Variants in PCSK6 observed in about 807,000 individuals in gnomAD.
PCSK6 encodes proprotein convertase subtilisin/kexin type 6.
In PCSK6, 85 loss-of-function variants were observed where a neutral mutation model predicts 123.3. That is an observed-to-expected ratio of 0.69 (90% CI 0.58 to 0.83). PCSK6 has a LOEUF of 0.83. Among genes scored for constraint, PCSK6 ranks in the 40% least tolerant of loss-of-function variants. The probability of loss-of-function intolerance (pLI) is 0.00; values close to 1 mark genes in which losing one functional copy is unlikely to be tolerated. For missense variants in PCSK6, 1,191 were observed against 1,282.3 expected (o/e 0.93, Z 1.09); for synonymous variants, 508 against 516.0 (o/e 0.98, Z 0.21).
chr15:101,447,853 G>T (rs1387518545), intron 1 of PCSK6, among the ~76,000 whole-genome samples: 1 of 152,182 alleles, frequency 6.6e-6, no homozygotes, highest in East Asian at 1.9e-4. Flanking sequence ...TGAGCAGCCC[G>T]CCTTTAGAAT....
rs150376425 is a variant in PCSK6, at chr15:101,322,191, C to T, written c.2465+329G>A. On this transcript the variant is annotated intron_variant, in intron 18 of 21. Coordinates refer to ENST00000611716, the MANE Select transcript of PCSK6 (RefSeq NM_002570.5). ...TGGGTGAGCCGCTACAGCCCATCCC[C>T]GGCCCAGACAGCGAGGGGAACTGGA... 2.8e-3 allele frequency among the ~76,000 whole-genome samples: 427 copies of T among 152,304 alleles called. 6 individuals are homozygous for T. Among genetic ancestry groups the T allele is most frequent in the African/African-American group, 9.8e-3 (408 of 41,586 alleles).
At chr15:101,325,205 C>T (rs2040223575) in intron 16 of PCSK6, among the ~76,000 whole-genome samples, 159 bp from the exon 17 acceptor site, 1 of 152,186 alleles carries the variant, frequency 6.6e-6, no homozygotes, top group African/African-American at 2.4e-5. Flanking sequence ...CCTACGTACA[C>T]AGGTGGAGAG....
chr15:101,385,861 C>T (rs538666946), intron 9 of PCSK6, among the ~76,000 whole-genome samples: 75 of 152,288 alleles, frequency 4.9e-4, no homozygotes, highest in Non-Finnish European at 9.8e-4. Context: ...TGGTTCCGGC[C>T]GCCATTTGAC....
At chr15:101,329,360 T>G (rs1567145746) in intron 15 of PCSK6, among the ~76,000 whole-genome samples, 1 of 152,222 alleles carries the variant, frequency 6.6e-6, no homozygotes, top group Non-Finnish European at 1.5e-5. Context: ...GTTCACGCCA[T>G]CCAAGAACAG....
At chr15:101,420,828 CAATG>C (rs2056060707) in intron 6 of PCSK6, among the ~76,000 whole-genome samples, 2 of 152,236 alleles carry the variant, frequency 1.3e-5, no homozygotes, top group Non-Finnish European at 2.9e-5. Flanking sequence ...TCTCTGGAAA[CAATG>C]AAGATGGCAC....
chr15:101,315,246 C>A (rs35559271), intron 19 of PCSK6, among the ~76,000 whole-genome samples: 27,114 of 152,070 alleles, frequency 0.18, 2,533 homozygotes, highest in African/African-American at 0.23. Context: ...GAACTGTATG[C>A]CTAAAAATAG....
intron 2 of PCSK6, among the ~76,000 whole-genome samples, chr15:101,440,536 G>T (rs1056842993): frequency 6.6e-6 from 1 of 152,202 alleles, no homozygotes; most frequent in African/African-American, 2.4e-5. Context: ...ATACAATAGG[G>T]ACTGGAACTA....
chr15:101,471,150 C>T (rs1317343484), intron 1 of PCSK6, among the ~76,000 whole-genome samples: 1 of 152,142 alleles, frequency 6.6e-6, no homozygotes, highest in African/African-American at 2.4e-5. Context: ...GCTCAGAGAG[C>T]CACAGTAATC....
At position 101,415,555 on chromosome 15, in the gene PCSK6, G is replaced by T. The variant is rs2055858876; in HGVS notation, c.823+12337C>A. ...GCCAAAGGCAGCTTATGGGCTACCA[G>T]TTGCAATCCCTAATCTGATACAGAT... On this transcript the variant is annotated intron_variant, in intron 6 of 21. Transcript: ENST00000611716. 2.6e-5 allele frequency among the ~76,000 whole-genome samples: 4 copies of T among 152,362 alleles called. No homozygotes were observed. The South Asian group carries it at 6.2e-4, about 24-fold the overall frequency.
At chr15:101,406,894 A>G (rs2042797799) in intron 6 of PCSK6, among the ~76,000 whole-genome samples, 1 of 152,140 alleles carries the variant, frequency 6.6e-6, no homozygotes, top group Admixed American at 6.5e-5. Flanking sequence ...GACGCTCCTT[A>G]TGGGCATGTC....
In PCSK6 at chr15:101,478,618, A is replaced by G. The variant is rs189003607; in HGVS notation, c.297+10756T>C. ...AGATGCTCGTTCTGAGCTTCAGAGA[A>G]CACCAGGCTAGGATGCTAGGTGTGT... On this transcript the variant is annotated intron_variant, in intron 1 of 21. Coordinates refer to ENST00000611716, the MANE Select transcript of PCSK6 (RefSeq NM_002570.5). Among the ~76,000 whole-genome samples, 349 of 152,158 alleles carry G rather than the reference A, an allele frequency of 2.3e-3. 1 individual carries two copies. Among genetic ancestry groups the G allele is most frequent in the African/African-American group, 8.2e-3 (341 of 41,502 alleles).
At chr15:101,306,055 G>C (rs2039715717) in intron 21 of PCSK6, among the ~76,000 whole-genome samples, 1 of 152,102 alleles carries the variant, frequency 6.6e-6, no homozygotes, top group African/African-American at 2.4e-5. Flanking sequence ...GAAGACTGTA[G>C]GGGAGGCCGG....
chr15:101,340,828 C>T (rs935868503), intron 13 of PCSK6, among the ~76,000 whole-genome samples: 1 of 152,060 alleles, frequency 6.6e-6, no homozygotes, highest in Non-Finnish European at 1.5e-5. Context: ...TTGTCTTTCC[C>T]CCACCACCCT....
intron 7 of PCSK6, among the ~76,000 whole-genome samples, chr15:101,394,738 G>A (rs1381807387): frequency 1.3e-5 from 2 of 152,224 alleles, no homozygotes; most frequent in Admixed American, 1.3e-4. Context: ...CACAATGAGT[G>A]GACCCGCCTG....
chr15:101,352,221 C>T (rs991855000), intron 13 of PCSK6, among the ~76,000 whole-genome samples: 2 of 142,556 alleles, frequency 1.4e-5, no homozygotes, highest in African/African-American at 2.6e-5. Flanking sequence ...AATCTCAGCT[C>T]ACTGCAAGCT....
At chr15:101,311,515 G>T (rs1859490160) in intron 20 of PCSK6, among the ~76,000 whole-genome samples, 1 of 151,996 alleles carries the variant, frequency 6.6e-6, no homozygotes, top group Non-Finnish European at 1.5e-5. Context: ...GGCAGATGCT[G>T]GCGCCATGTT....
chr15:101,394,871 G>A (rs569385740), intron 7 of PCSK6, among the ~76,000 whole-genome samples: 13 of 152,216 alleles, frequency 8.5e-5, no homozygotes, highest in South Asian at 2.1e-4. Context: ...TAAGGCTGCC[G>A]CGTCCACTCT....
intron 15 of PCSK6, among the ~76,000 whole-genome samples, chr15:101,331,048 C>G (rs779684469): frequency 6.6e-6 from 1 of 152,208 alleles, no homozygotes; most frequent in Non-Finnish European, 1.5e-5. Flanking sequence ...ACCAGAAATA[C>G]CTCTTCTCAC....
chr15:101,448,108 G>C (rs1354848215), intron 1 of PCSK6, among the ~76,000 whole-genome samples: 1 of 152,184 alleles, frequency 6.6e-6, no homozygotes, highest in East Asian at 1.9e-4. Context: ...TCTCTTTGGT[G>C]CCCGTGGTAT....
Sources: gnomAD v4.1 joint callset for allele counts (sites outside exome capture counted in the v4.1 genomes callset) on GRCh38, gnomAD v4.1.1 for gene constraint, MANE v1.5 for transcripts, NCBI Gene and HGNC (gene_info 2026-07-23, HGNC 2026-07-21) for gene names.